GPC5: variants seen among roughly 807,000 people sequenced by gnomAD.
GPC5 encodes glypican 5, also known as glypican-5.
GPC5 carries 47 observed loss-of-function variants against 53.9 expected under a neutral mutation model. The observed-to-expected ratio is 0.87, with a 90% CI of 0.69 to 1.11. The LOEUF (loss-of-function observed/expected upper bound fraction) is 1.11, where lower values mean the gene tolerates loss of function less well. Among genes scored for constraint, GPC5 ranks in the 50% most tolerant of loss-of-function variants. The pLI, the probability that GPC5 is intolerant of heterozygous loss-of-function variation, is 0.00. For missense variants in GPC5, 748 were observed against 713.1 expected (o/e 1.05, Z -0.56); for synonymous variants, 286 against 263.3 (o/e 1.09, Z -0.84).
intron 6 of GPC5, among the ~76,000 whole-genome samples, chr13:92,058,089 T>C (rs533119141): frequency 2.6e-5 from 4 of 152,314 alleles, no homozygotes; most frequent in East Asian, 3.9e-4. Flanking sequence ...ATGAAGAAGA[T>C]TGAATCTCAG....
chr13:92,481,184 T>C (rs551485307), intron 7 of GPC5, among the ~76,000 whole-genome samples: 2 of 152,144 alleles, frequency 1.3e-5, no homozygotes, highest in South Asian at 2.1e-4. Context: ...TACTGCAAGC[T>C]CTGCCTCCCA....
intron 7 of GPC5, among the ~76,000 whole-genome samples, chr13:92,153,483 T>C (rs1227624055): frequency 6.6e-6 from 1 of 152,212 alleles, no homozygotes; most frequent in Non-Finnish European, 1.5e-5. Context: ...TATGAATACA[T>C]AACTCATTTA....
At chr13:91,407,595 G>A (rs1464952726) in intron 1 of GPC5, among the ~76,000 whole-genome samples, 2 of 152,148 alleles carry the variant, frequency 1.3e-5, no homozygotes, top group African/African-American at 2.4e-5. Context: ...TATTTTTCTA[G>A]GAGGAAATTA....
intron 2 of GPC5, among the ~76,000 whole-genome samples, chr13:91,595,997 T>C (rs1469448827): frequency 6.6e-6 from 1 of 152,242 alleles, no homozygotes; most frequent in South Asian, 2.1e-4. Context: ...CTCTTTGTAG[T>C]TCAAGTATTT....
chr13:92,067,606 G>T (rs1364689558), intron 6 of GPC5, among the ~76,000 whole-genome samples: 2 of 151,898 alleles, frequency 1.3e-5, no homozygotes, highest in African/African-American at 4.8e-5. Flanking sequence ...GATATTTCAG[G>T]GATGTGTAAG....
At chr13:92,487,409 AG>A (rs1879595110) in intron 7 of GPC5, among the ~76,000 whole-genome samples, 1 of 152,134 alleles carries the variant, frequency 6.6e-6, no homozygotes, top group African/African-American at 2.4e-5. Context: ...TGCTGTTCTT[AG>A]TTGTGTCTAA....
rs80109424 is a variant in GPC5, at chr13:92,124,601, G to T, written c.1402-20229G>T. ...CATGGATAAAAATAGTCACCCACAT[G>T]TTAATAACATATGTGTTCTGCAGAG... On this transcript the variant is annotated intron_variant, in intron 6 of 7. Transcript: ENST00000377067. Among the ~76,000 whole-genome samples the T allele has an allele frequency of 8.0e-4, 122 of 152,292 alleles. 2 individuals are homozygous for T. The East Asian group carries it at 0.021, about 26-fold the overall frequency.
At chr13:92,121,850 C>T (rs1278497981) in intron 6 of GPC5, among the ~76,000 whole-genome samples, 1 of 152,036 alleles carries the variant, frequency 6.6e-6, no homozygotes, top group African/African-American at 2.4e-5. Flanking sequence ...GAAAAGATTG[C>T]TGAAATGTGA....
intron 7 of GPC5, among the ~76,000 whole-genome samples, chr13:92,274,393 C>A (rs2042860783): frequency 6.6e-6 from 1 of 152,068 alleles, no homozygotes; most frequent in African/African-American, 2.4e-5. Context: ...CTTTTTCAGA[C>A]CAGCATCATC....
chr13:91,867,938 A>G (rs957672736), intron 5 of GPC5, among the ~76,000 whole-genome samples: 13 of 152,134 alleles, frequency 8.5e-5, no homozygotes, highest in African/African-American at 3.1e-4. Context: ...AAAAGGGGAC[A>G]TGGCTAAATT....
intron 7 of GPC5, among the ~76,000 whole-genome samples, chr13:92,554,500 A>T (rs994728780): frequency 2.0e-5 from 3 of 150,646 alleles, no homozygotes; most frequent in Non-Finnish European, 3.0e-5. Context: ...GCTAGAGATT[A>T]AAAAAAACAT....
chr13:92,720,827 G>A (rs140441879), intron 7 of GPC5, among the ~76,000 whole-genome samples: 271 of 152,152 alleles, frequency 1.8e-3, no homozygotes, highest in African/African-American at 6.3e-3. Flanking sequence ...TTTACTAAAA[G>A]TTGTTTTTGC....
intron 7 of GPC5, among the ~76,000 whole-genome samples, chr13:92,305,442 C>T (rs34801002): frequency 0.01 from 1,536 of 152,098 alleles, 27 homozygotes; most frequent in Middle Eastern, 0.048. Context: ...AATATCTGTA[C>T]CCCAGCCTCT....
intron 7 of GPC5, among the ~76,000 whole-genome samples, chr13:92,573,631 A>T (rs1008774644): frequency 6.6e-6 from 1 of 152,162 alleles, no homozygotes; most frequent in African/African-American, 2.4e-5. Flanking sequence ...TAGTGACATT[A>T]CAAGAGGAAG....
intron 3 of GPC5, among the ~76,000 whole-genome samples, chr13:91,695,455 G>T (rs893167315): frequency 1.3e-5 from 2 of 152,044 alleles, no homozygotes; most frequent in South Asian, 2.1e-4. Flanking sequence ...CTCACTGCAA[G>T]CTCCGCCTTC....
rs149262455 is a variant in GPC5, at chr13:91,788,123, A to G, written c.1280+31703A>G. Among the ~76,000 whole-genome samples the G allele has an allele frequency of 5.9e-5, 9 of 152,372 alleles. No homozygotes were observed. In the East Asian group the frequency reaches 1.7e-3, roughly 29 times the overall value. ...GTCATTGACTGGGTGACTTAAAACA[A>G]CAAATATTTATTTCTTACAGTTTTA... On this transcript the variant is annotated intron_variant, in intron 5 of 7. Transcript: ENST00000377067.
chr13:92,314,508 T>A (rs1201676712), intron 7 of GPC5, among the ~76,000 whole-genome samples: 2 of 152,260 alleles, frequency 1.3e-5, no homozygotes, highest in African/African-American at 4.8e-5. Flanking sequence ...TTGCCACTTA[T>A]CTGTTTTCTT....
At chr13:92,006,069 A>G (rs538744836) in intron 6 of GPC5, among the ~76,000 whole-genome samples, 1 of 152,316 alleles carries the variant, frequency 6.6e-6, no homozygotes, top group South Asian at 2.1e-4. Context: ...TGTCACTTGG[A>G]GAAATACTTA....
At chr13:92,844,653 T>TA (rs1275125844) in intron 7 of GPC5, among the ~76,000 whole-genome samples, 3 of 152,210 alleles carry the variant, frequency 2.0e-5, no homozygotes, top group East Asian at 1.9e-4. Context: ...CATCATGAAG[T>TA]AAAAAACTGG....
Sources: allele counts gnomAD v4.1 joint callset (sites outside exome capture counted in the v4.1 genomes callset), GRCh38; gene constraint gnomAD v4.1.1; transcripts MANE v1.5; gene names NCBI Gene and HGNC (gene_info 2026-07-23, HGNC 2026-07-21).